The following PEBP4 variants were observed in gnomAD, a reference collection of about 807,000 sequenced individuals.
PEBP4 encodes the protein phosphatidylethanolamine binding protein 4.
Under a neutral mutation model 23.9 loss-of-function variants are expected in PEBP4, and 22 were observed. The observed-to-expected ratio is 0.92, with a 90% CI of 0.66 to 1.31. The LOEUF (loss-of-function observed/expected upper bound fraction) is 1.31, where lower values mean the gene tolerates loss of function less well. Ranked by LOEUF, PEBP4 falls within the 40% of genes most tolerant of loss-of-function variation. The probability of loss-of-function intolerance (pLI) is 0.00; values close to 1 mark genes in which losing one functional copy is unlikely to be tolerated. For synonymous variants in PEBP4, 112 were observed against 99.3 expected, an observed-to-expected ratio of 1.13 and a Z score of -0.76; for missense variants, 324 against 281.7, an observed-to-expected ratio of 1.15 and a Z score of -1.07.
intron 4 of PEBP4, among the ~76,000 whole-genome samples, chr8:22,734,006 A>G (rs1041282711): frequency 2.6e-5 from 4 of 152,244 alleles, no homozygotes; most frequent in African/African-American, 9.6e-5. Flanking sequence ...AAATGAAAAC[A>G]GAGTTCCAAG....
intron 3 of PEBP4, among the ~76,000 whole-genome samples, chr8:22,901,910 A>T (rs1808719573): frequency 6.6e-6 from 1 of 152,212 alleles, no homozygotes. Flanking sequence ...AATGATTCAA[A>T]TAAGAAGTTT....
At chr8:22,801,481 G>A (rs563019801) in intron 4 of PEBP4, among the ~76,000 whole-genome samples, 1 of 152,270 alleles carries the variant, frequency 6.6e-6, no homozygotes, top group South Asian at 2.1e-4. Context: ...CTGGTGGGAA[G>A]TAGACAGGAA....
rs576821333 is a variant in PEBP4, at chr8:22,835,586, G to A, written c.259-17851C>T. On this transcript the variant is annotated intron_variant, in intron 3 of 6. Transcript: ENST00000256404. ...ACTGTTACAGAATCCTGGAGCACTGGAAGGAATAGGGATCATGTTGCCTTT... is the reference window on the plus strand; with the variant it reads ...ACTGTTACAGAATCCTGGAGCACTGAAAGGAATAGGGATCATGTTGCCTTT... 7.9e-5 allele frequency among the ~76,000 whole-genome samples: 12 copies of A among 152,312 alleles called. No individual in the cohort carries two copies. The South Asian group carries it at 2.5e-3, about 32-fold the overall frequency.
chr8:22,800,025 T>TA lies in PEBP4; in HGVS notation c.357+17611dup, dbSNP rs561496063. Among the ~76,000 whole-genome samples, 805 of 152,270 alleles carry TA rather than the reference T, an allele frequency of 5.3e-3. 7 individuals are homozygous for TA. The highest frequency in any genetic ancestry group is 0.019 in the African/African-American group (783 of 41,534). On this transcript the variant is annotated intron_variant, in intron 4 of 6. Transcript: ENST00000256404. ...TACACCATGGAATATTATGCAGCCA[T>TA]AAAAAAGGATGAGTTAATATCCTTT...
intron 3 of PEBP4, among the ~76,000 whole-genome samples, chr8:22,842,171 C>G (rs1234203465): frequency 6.6e-6 from 1 of 152,228 alleles, no homozygotes; most frequent in Non-Finnish European, 1.5e-5. Flanking sequence ...GGGTAGTCAA[C>G]TCGTCTAATT....
chr8:22,781,036 C>T (rs372432814), intron 4 of PEBP4, among the ~76,000 whole-genome samples: 5 of 152,196 alleles, frequency 3.3e-5, no homozygotes, highest in African/African-American at 9.7e-5. Context: ...CAGCAGCGTC[C>T]GGGTTCAGAT....
At chr8:22,851,979 GGAAA>G (rs1807561246) in intron 3 of PEBP4, among the ~76,000 whole-genome samples, 1 of 152,124 alleles carries the variant, frequency 6.6e-6, no homozygotes, top group Non-Finnish European at 1.5e-5. Flanking sequence ...TGTGGGGCAG[GGAAA>G]GAAATTAATT....
intron 4 of PEBP4, among the ~76,000 whole-genome samples, chr8:22,769,168 C>T (rs1409058622): frequency 6.6e-6 from 1 of 152,202 alleles, no homozygotes; most frequent in Non-Finnish European, 1.5e-5. Flanking sequence ...GCCAGCTTGG[C>T]CTCAGTGCCC....
At chr8:22,817,768 T>G in intron 3 of PEBP4, 33 bp from the exon 4 acceptor site, 1 of 1,592,804 alleles carries the variant, frequency 6.3e-7, no homozygotes, top group Non-Finnish European at 8.6e-7. Flanking sequence ...TAATGTAGCG[T>G]CATGGCTGAA....
intron 4 of PEBP4, among the ~76,000 whole-genome samples, chr8:22,780,840 G>A (rs1045250121): frequency 9.2e-5 from 14 of 152,314 alleles, no homozygotes; most frequent in South Asian, 2.1e-4. Context: ...TTCTGGCTAA[G>A]GGGAAAGGAA....
intron 3 of PEBP4, among the ~76,000 whole-genome samples, chr8:22,828,337 C>T (rs539906694): frequency 7.2e-5 from 11 of 152,312 alleles, no homozygotes; most frequent in African/African-American, 2.4e-4. Context: ...TCCCAGCCAT[C>T]GGTCCTCAAC....
intron 4 of PEBP4, among the ~76,000 whole-genome samples, chr8:22,764,737 C>G (rs1563208947): frequency 6.6e-6 from 1 of 151,492 alleles, no homozygotes. Context: ...AGCCTGGGTG[C>G]AGGTGCAGAG....
intron 3 of PEBP4, among the ~76,000 whole-genome samples, chr8:22,908,395 A>AC (rs1554496482): frequency 1.5e-5 from 2 of 132,162 alleles, no homozygotes; most frequent in African/African-American, 3.1e-5. Context: ...CAAACAAACA[A>AC]AAAAAAAAAC....
intron 3 of PEBP4, among the ~76,000 whole-genome samples, chr8:22,873,114 G>A (rs1386685961): frequency 1.3e-5 from 2 of 152,136 alleles, no homozygotes; most frequent in Non-Finnish European, 2.9e-5. Context: ...TCTTCCCCAG[G>A]TGAGTATAAA....
rs143389069 is a variant in PEBP4 at position 22,763,057 on chromosome 8, C to T, written c.358-35837G>A. On this transcript the variant is annotated intron_variant, in intron 4 of 6. Coordinates refer to ENST00000256404, the MANE Select transcript of PEBP4 (RefSeq NM_144962.3). ...TCTTGCTCTCTCTCCCAGGCTGGAGCGCAGTAGCATGATCTTGGCTCACTG... is the reference window on the plus strand; with the variant it reads ...TCTTGCTCTCTCTCCCAGGCTGGAGTGCAGTAGCATGATCTTGGCTCACTG... Among the ~76,000 whole-genome samples, 452 of 151,948 alleles carry T rather than the reference C, an allele frequency of 3.0e-3. 4 individuals carry two copies. The highest frequency in any genetic ancestry group is 0.01 in the African/African-American group (432 of 41,396).
chr8:22,737,218 C>T (rs1438523870), intron 4 of PEBP4, among the ~76,000 whole-genome samples: 6 of 148,458 alleles, frequency 4.0e-5, no homozygotes, highest in African/African-American at 1.5e-4. Context: ...CGCTTGAACC[C>T]GGAAGCCAGA....
intron 3 of PEBP4, among the ~76,000 whole-genome samples, chr8:22,820,596 A>G (rs543434331): frequency 5.9e-5 from 9 of 152,278 alleles, no homozygotes; most frequent in African/African-American, 2.2e-4. Flanking sequence ...AAATCTCTCT[A>G]CCCCAGGAGT....
intron 3 of PEBP4, among the ~76,000 whole-genome samples, chr8:22,856,293 A>G (rs193030465): frequency 6.6e-6 from 1 of 152,346 alleles, no homozygotes; most frequent in African/African-American, 2.4e-5. Flanking sequence ...CAATTAGGGT[A>G]CTATTTTTTA....
intron 4 of PEBP4, among the ~76,000 whole-genome samples, chr8:22,748,831 G>A (rs1563203396): frequency 6.6e-6 from 1 of 152,200 alleles, no homozygotes; most frequent in Non-Finnish European, 1.5e-5. Context: ...GAGAACAGGA[G>A]AGGCCTCCAC....
Sources: gnomAD v4.1 joint callset for allele counts (sites outside exome capture counted in the v4.1 genomes callset) on GRCh38, gnomAD v4.1.1 for gene constraint, MANE v1.5 for transcripts, NCBI Gene and HGNC (gene_info 2026-07-23, HGNC 2026-07-21) for gene names.